The following DNHD1 variants were observed in gnomAD, a reference collection of about 807,000 sequenced individuals.
The protein encoded by DNHD1 is dynein heavy chain domain 1.
A neutral mutation model predicts 458.1 loss-of-function variants in DNHD1; 383 were observed. The ratio of observed to expected loss-of-function variants is 0.84; its 90% CI spans 0.77 to 0.91. The LOEUF (loss-of-function observed/expected upper bound fraction) is 0.91, where lower values mean the gene tolerates loss of function less well. DNHD1 is among the 40% of genes least tolerant of loss of function. The pLI is 0.00. For synonymous variants in DNHD1, 2,203 were observed against 2,376.9 expected (o/e 0.93, Z 2.13); for missense variants, 5,336 against 5,866.1 (o/e 0.91, Z 2.95).
chr11:6,502,760 C>T lies in DNHD1; in HGVS notation c.754C>T (p.Leu252Phe), dbSNP rs1346113959. Residue 252 changes from leucine to phenylalanine, a missense_variant, in exon 4 of 43, where the codon CTT becomes TTT. This residue lies in a region of DNHD1 where 3,932 missense variants were observed against 4,365.6 expected (regional missense o/e 0.90). Coordinates refer to ENST00000254579, the MANE Select transcript of DNHD1 (RefSeq NM_144666.3). ...PVGRKETRSQ[L>F]DYEVPREKAF... ...TGATTTTCTGTCACACAGGTCTCAG[C>T]TTGACTATGAAGTTCCCAGGGAAAA... The T allele has an allele frequency of 1.3e-6, 2 of 1,597,414 alleles. No individual in the cohort carries two copies. Among genetic ancestry groups the T allele is most frequent in the African/African-American group, 2.7e-5 (2 of 73,998 alleles).
Position 6,511,369 on chromosome 11 carries a change from G to A in DNHD1, c.1332G>A (p.Lys444=). The A allele has an allele frequency of 1.2e-6, 2 of 1,614,240 alleles. No homozygotes were observed. The highest frequency in any genetic ancestry group is 1.3e-5 in the African/African-American group (1 of 75,066). The change falls in exon 7 of 43, where the codon AAG becomes AAA. Residue 444 remains lysine (K), a synonymous_variant. Coordinates refer to ENST00000254579, the MANE Select transcript of DNHD1 (RefSeq NM_144666.3). ...TGCAGACGGCTCTAGCCGAGGAGAA[G>A]CATAAGGCTCTACGGCTGCTCCATC... ...LDLQTALAEE[K]HKALRLLHRC...
chr11:6,568,125 A>G lies in DNHD1; in HGVS notation c.12421A>G (p.Thr4141Ala), dbSNP rs1379695602. The change falls in exon 37 of 43, where the codon ACT (threonine) becomes GCT (alanine). Residue 4141 changes from threonine (T) to alanine (A), a missense_variant. By Grantham distance (58) the Thr-to-Ala change is moderately conservative. Coordinates refer to ENST00000254579, the MANE Select transcript of DNHD1 (RefSeq NM_144666.3). ...GGACCCAGTCTCAGTTGTGGTCAGC[A>G]CTCTATCCCAGGCTATGTATGAGGG... ...AWDPVSVVVS[T>A]LSQAMYEGHW... is the part of the protein sequence containing the mutation. 6.4e-7 allele frequency: 1 copy of G among 1,565,268 alleles called. No individual in the cohort carries two copies. Among genetic ancestry groups the G allele is most frequent in the Non-Finnish European group, 8.7e-7 (1 of 1,154,094 alleles).
chr11:6,560,488 T>A (rs1422985481), intron 28 of DNHD1, among the ~76,000 whole-genome samples: 1 of 152,182 alleles, frequency 6.6e-6, no homozygotes, highest in Non-Finnish European at 1.5e-5. Flanking sequence ...GAAAAGAAAG[T>A]CAGAGAGCAA....
chr11:6,571,844 G>A lies in DNHD1; in HGVS notation c.14120G>A (p.Cys4707Tyr), dbSNP rs755600723. 4 of 1,613,914 alleles carry A rather than the reference G, an allele frequency of 2.5e-6. No individual in the cohort carries two copies. Among genetic ancestry groups the A allele is most frequent in the Non-Finnish European group, 2.5e-6 (3 of 1,179,808 alleles). The change falls in exon 43 of 43, where the codon TGT (cysteine) becomes TAT (tyrosine). Residue 4707 changes from cysteine (C) to tyrosine (Y), a missense_variant. Cys to Tyr is a radical substitution (Grantham distance 194). Coordinates refer to ENST00000254579, the MANE Select transcript of DNHD1 (RefSeq NM_144666.3). The surrounding 1 kb of genome is among the most constrained non-coding windows in gnomAD (Gnocchi z 5.0). ...PAPADLTVYS[C>Y]PVYMGGPLGT... ...CCAGCCGACCTGACTGTGTACTCGTGTCCTGTGTACATGGGAGGGCCCCTT... is the reference window on the plus strand; with the variant it reads ...CCAGCCGACCTGACTGTGTACTCGTATCCTGTGTACATGGGAGGGCCCCTT...
At position 6,533,878 on chromosome 11, in the gene DNHD1, C is replaced by T; in HGVS notation, c.2703C>T (p.Cys901=). 3 of 1,551,174 alleles carry T rather than the reference C, an allele frequency of 1.9e-6. No individual in the cohort carries two copies. The highest frequency in any genetic ancestry group is 2.6e-6 in the Non-Finnish European group (3 of 1,146,896). ...PPPPQPHLLH[C]PLLAPQLLDM... is the part of the protein sequence containing the mutation. Reference sequence around the variant, plus strand: ...CCCCACAACCACATCTACTCCACTGCCCTCTGCTTGCCCCACAGCTTCTGG... The same window carrying T: ...CCCCACAACCACATCTACTCCACTGTCCTCTGCTTGCCCCACAGCTTCTGG... Residue 901 remains cysteine (C), a synonymous_variant, in exon 14 of 43, where the codon TGC becomes TGT. Transcript: ENST00000254579.
At position 6,511,382 on chromosome 11, in the gene DNHD1, C is replaced by A; in HGVS notation, c.1345C>A (p.Arg449=). The change falls in exon 7 of 43, where the codon CGG becomes AGG. Residue 449 remains arginine (R), a synonymous_variant. Transcript: ENST00000254579. ...AGCCGAGGAGAAGCATAAGGCTCTACGGCTGCTCCATCGTTGCCTAAACCT... is the reference window on the plus strand; with the variant it reads ...AGCCGAGGAGAAGCATAAGGCTCTAAGGCTGCTCCATCGTTGCCTAAACCT... ...ALAEEKHKAL[R]LLHRCLNLCT... 1 of 1,614,224 alleles carries A rather than the reference C, an allele frequency of 6.2e-7. No homozygotes were observed. The highest frequency in any genetic ancestry group is 8.5e-7 in the Non-Finnish European group (1 of 1,180,042).
At chr11:6,540,383 A>G (rs1853073735) in intron 18 of DNHD1, among the ~76,000 whole-genome samples, 1 of 152,104 alleles carries the variant, frequency 6.6e-6, no homozygotes, top group African/African-American at 2.4e-5. Context: ...ACACCTTTCA[A>G]TGCTCTGTCC....
chr11:6,559,026 C>T lies in DNHD1; in HGVS notation c.9336C>T (p.Pro3112=). ...GCCCTGCATTGCCACTCGTCACCCCCAAGACCTTCCTAGACTTCCTGGACA... is the reference window on the plus strand; with the variant it reads ...GCCCTGCATTGCCACTCGTCACCCCTAAGACCTTCCTAGACTTCCTGGACA... ...HLCPALPLVT[P]KTFLDFLDTF... Residue 3112 remains proline, a synonymous_variant, in exon 27 of 43, where the codon CCC becomes CCT. Coordinates refer to ENST00000254579, the MANE Select transcript of DNHD1 (RefSeq NM_144666.3). 6.4e-7 allele frequency: 1 copy of T among 1,551,742 alleles called. No homozygotes were observed. Among genetic ancestry groups the T allele is most frequent in the South Asian group, 1.2e-5 (1 of 84,054 alleles).
rs1023848952 is a variant in DNHD1, at chr11:6,558,635, C to T, written c.9153C>T (p.Ala3051=). Reference sequence around the variant, plus strand: ...GCTATGAACCCTGGGACCAAGCTGCCCTGGCCAAGGTGGCCCAGCATCACC... The same window carrying T: ...GCTATGAACCCTGGGACCAAGCTGCTCTGGCCAAGGTGGCCCAGCATCACC... ...IDRYEPWDQA[A]LAKVAQHHLE... is the part of the protein sequence containing the mutation. Residue 3051 remains alanine, a synonymous_variant, in exon 26 of 43, where the codon GCC becomes GCT. Transcript: ENST00000254579. 5.8e-6 allele frequency: 9 copies of T among 1,551,536 alleles called. No individual in the cohort carries two copies. Among genetic ancestry groups the T allele is most frequent in the Non-Finnish European group, 7.8e-6 (9 of 1,147,016 alleles).
rs1250168375 is a variant in DNHD1, at chr11:6,544,822, T to G, written c.3883T>G (p.Tyr1295Asp). Residue 1295 changes from tyrosine to aspartate, a missense_variant, in exon 21 of 43, where the codon TAT becomes GAT. Transcript: ENST00000254579. ...NSRFKVMDDQ[Y>D]RTLMRISVAD... ...TCGTTTCAAGGTCATGGATGACCAG[T>G]ATCGAACCCTGATGCGCATCTCTGT... The G allele has an allele frequency of 2.6e-6, 4 of 1,551,560 alleles. No homozygotes were observed. Among genetic ancestry groups the G allele is most frequent in the Non-Finnish European group, 2.6e-6 (3 of 1,146,976 alleles).
chr11:6,539,869 G>A lies in DNHD1; in HGVS notation c.3421-7G>A. 6.4e-7 allele frequency: 1 copy of A among 1,551,652 alleles called. No individual in the cohort carries two copies. Among genetic ancestry groups the A allele is most frequent in the Non-Finnish European group, 8.7e-7 (1 of 1,146,914 alleles). On this transcript the variant is annotated splice_polypyrimidine_tract_variant and splice_region_variant and intron_variant, in intron 17 of 42. Coordinates refer to ENST00000254579, the MANE Select transcript of DNHD1 (RefSeq NM_144666.3). ...CAGTCCTGGTTCCTGAGACCCAGCT[G>A]TTCCAGGTCTGGCAGAATGAAAATG...
intron 10 of DNHD1, among the ~76,000 whole-genome samples, chr11:6,521,078 A>G (rs1852595951): frequency 6.6e-6 from 1 of 152,208 alleles, no homozygotes; most frequent in Non-Finnish European, 1.5e-5. Flanking sequence ...GACTATTGAT[A>G]TTTGTTTTAC....
chr11:6,522,224 T>C (rs556457088), intron 10 of DNHD1, among the ~76,000 whole-genome samples: 2 of 152,260 alleles, frequency 1.3e-5, no homozygotes, highest in South Asian at 2.1e-4. Context: ...AAGTTCCTTA[T>C]AGATGCTAGA....
At chr11:6,527,500 G>A (rs973286506) in intron 10 of DNHD1, among the ~76,000 whole-genome samples, 2 of 152,230 alleles carry the variant, frequency 1.3e-5, no homozygotes, top group Non-Finnish European at 2.9e-5. Flanking sequence ...ATTTACTGAA[G>A]TTGGAAGACT....
intron 7 of DNHD1, 91 bp from the exon 8 acceptor site, chr11:6,519,509 G>A: frequency 6.9e-7 from 1 of 1,457,680 alleles, no homozygotes; most frequent in East Asian, 2.3e-5. Flanking sequence ...CTAGGTCCCA[G>A]ACTCCAAGAC....
At chr11:6,512,203 T>TTTTCTTTC (rs1161201888) in intron 7 of DNHD1, among the ~76,000 whole-genome samples, 3 of 140,020 alleles carry the variant, frequency 2.1e-5, no homozygotes, top group African/African-American at 8.4e-5. Context: ...TTTCTTTTCT[T>TTTTCTTTC]TTTCTTTCTT....
rs1445394631 is a variant in DNHD1 at position 6,548,887 on chromosome 11, A to G, written c.7341A>G (p.Lys2447=). Reference sequence around the variant, plus strand: ...AGCCTGGGCATCACCAGGATTCTAAACCCTCCCTCCTCTTCTTGCTGGAGG... The same window carrying G: ...AGCCTGGGCATCACCAGGATTCTAAGCCCTCCCTCCTCTTCTTGCTGGAGG... ...SPQPGHHQDS[K]PSLLFLLEDL... is the part of the protein sequence containing the mutation. The change falls in exon 24 of 43, where the codon AAA becomes AAG. Residue 2447 remains lysine, a synonymous_variant. Coordinates refer to ENST00000254579, the MANE Select transcript of DNHD1 (RefSeq NM_144666.3). This position sits in a 1 kb window ranked among gnomAD's most constrained non-coding sequence, Gnocchi z 4.4. 2.6e-6 allele frequency: 4 copies of G among 1,551,434 alleles called. No homozygotes were observed. The Admixed American group carries it at 5.9e-5, about 23-fold the overall frequency.
At chr11:6,520,214 C>A in intron 9 of DNHD1, 24 bp from the exon 10 acceptor site, 1 of 1,568,758 alleles carries the variant, frequency 6.4e-7, no homozygotes, top group South Asian at 1.2e-5. Context: ...CATTTCTGCC[C>A]CTTCTCCATA....
At chr11:6,555,086 C>T (rs1410918370) in intron 24 of DNHD1, among the ~76,000 whole-genome samples, 2 of 152,216 alleles carry the variant, frequency 1.3e-5, no homozygotes, top group Non-Finnish European at 2.9e-5. Context: ...TGCCTCCTTT[C>T]CTTTAAAAAC....
Sources: gnomAD v4.1 joint callset for allele counts (sites outside exome capture counted in the v4.1 genomes callset) on GRCh38, gnomAD v4.1.1 for gene constraint, gnomAD v4.1.1 regional missense constraint, Gnocchi (gnomAD v3.1) non-coding constraint, MANE v1.5 for transcripts, NCBI Gene and HGNC (gene_info 2026-07-23, HGNC 2026-07-21) for gene names.